The following TTC29 variants were observed in gnomAD, a reference collection of about 807,000 sequenced individuals.
The protein encoded by TTC29 is tetratricopeptide repeat domain 29, also known as tetratricopeptide repeat protein 29.
Under a neutral mutation model 58.1 loss-of-function variants are expected in TTC29, and 49 were observed. The observed-to-expected ratio is 0.84, with a 90% confidence interval of 0.67 to 1.07. The LOEUF is 1.07. Among genes scored for constraint, TTC29 ranks in the 50% least tolerant of loss-of-function variants. TTC29 has a pLI of 0.00. For synonymous variants in TTC29, 209 were observed against 196.8 expected (o/e 1.06, Z -0.52); for missense variants, 582 against 555.6 (o/e 1.05, Z -0.48).
chr4:146,790,844 G>A (rs1206844405), intron 11 of TTC29, among the ~76,000 whole-genome samples: 5 of 152,154 alleles, frequency 3.3e-5, no homozygotes, highest in Admixed American at 6.5e-5. Context: ...TTCCTTAATA[G>A]TTCTCATGAC....
At chr4:146,782,090 G>T (rs1312689913) in intron 11 of TTC29, among the ~76,000 whole-genome samples, 1 of 151,632 alleles carries the variant, frequency 6.6e-6, no homozygotes, top group Admixed American at 6.6e-5. Context: ...TTTGAGTCTA[G>T]AGGTGCAACA....
chr4:146,858,494 T>C (rs1311671433), intron 8 of TTC29, among the ~76,000 whole-genome samples: 1 of 152,208 alleles, frequency 6.6e-6, no homozygotes, highest in African/African-American at 2.4e-5. Context: ...CACTTTTAAC[T>C]GTGTAGACTT....
chr4:146,844,059 T>A (rs1447435001), intron 8 of TTC29, among the ~76,000 whole-genome samples: 1 of 152,204 alleles, frequency 6.6e-6, no homozygotes, highest in Non-Finnish European at 1.5e-5. Flanking sequence ...AAGTTTTTAA[T>A]AATTTGATGA....
In TTC29 at chr4:146,902,033, C is replaced by A. The variant is rs532617346; in HGVS notation, c.586+1511G>T. ...TGTTGCTAAATACATTTAGCTAATTCCCTTTTCTGGGATACTATAGATTGC... is the reference window on the plus strand; with the variant it reads ...TGTTGCTAAATACATTTAGCTAATTACCTTTTCTGGGATACTATAGATTGC... On this transcript the variant is annotated intron_variant, in intron 6 of 12. Transcript: ENST00000325106. Among the ~76,000 whole-genome samples the A allele has an allele frequency of 3.3e-5, 5 of 152,268 alleles. 1 individual carries two copies. The South Asian group carries it at 1.0e-3, about 32-fold the overall frequency.
At chr4:146,720,158 C>A (rs1358777533) in intron 11 of TTC29, among the ~76,000 whole-genome samples, 2 of 151,998 alleles carry the variant, frequency 1.3e-5, no homozygotes, top group East Asian at 3.8e-4. Flanking sequence ...ATACCATAAA[C>A]ATGTGTAGAA....
chr4:146,711,514 G>A (rs1742490570), intron 11 of TTC29, among the ~76,000 whole-genome samples: 1 of 152,110 alleles, frequency 6.6e-6, no homozygotes, highest in Non-Finnish European at 1.5e-5. Context: ...TTAAAAGACT[G>A]TGCTTTCTGT....
chr4:146,874,095 G>T (rs755762540), intron 7 of TTC29, among the ~76,000 whole-genome samples: 23 of 152,056 alleles, frequency 1.5e-4, no homozygotes, highest in Non-Finnish European at 2.9e-4. Flanking sequence ...GACATGAGCA[G>T]CTCTCATAGA....
At chr4:146,766,369 C>T (rs933068148) in intron 11 of TTC29, among the ~76,000 whole-genome samples, 7 of 152,014 alleles carry the variant, frequency 4.6e-5, no homozygotes, top group Non-Finnish European at 1.0e-4. Context: ...ATTTTCATAG[C>T]TGTTTCTTCT....
At chr4:146,730,630 G>A (rs995823976) in intron 11 of TTC29, among the ~76,000 whole-genome samples, 6 of 152,188 alleles carry the variant, frequency 3.9e-5, no homozygotes, top group Non-Finnish European at 8.8e-5. Context: ...GAAGGAGCCA[G>A]TATGGTATCC....
intron 11 of TTC29, among the ~76,000 whole-genome samples, chr4:146,723,362 T>C (rs1233657196): frequency 2.6e-5 from 4 of 152,084 alleles, no homozygotes; most frequent in Admixed American, 1.3e-4. Context: ...CTCAAAACAA[T>C]TGCAGCAGAA....
chr4:146,753,079 T>C (rs370166052), intron 11 of TTC29, among the ~76,000 whole-genome samples: 2 of 151,380 alleles, frequency 1.3e-5, no homozygotes, highest in African/African-American at 2.4e-5. Context: ...AGAGCTTCTG[T>C]ACAGCAAAAG....
intron 11 of TTC29, among the ~76,000 whole-genome samples, chr4:146,773,145 T>C (rs1747851066): frequency 6.6e-6 from 1 of 152,096 alleles, no homozygotes; most frequent in South Asian, 2.1e-4. Context: ...TTTCCAGGTA[T>C]AGTATCATCT....
chr4:146,801,603 T>C (rs548039083), intron 11 of TTC29, among the ~76,000 whole-genome samples: 4 of 150,214 alleles, frequency 2.7e-5, no homozygotes, highest in South Asian at 4.2e-4. Flanking sequence ...CTAAGTCCTG[T>C]TGGAAAAAAA....
intron 11 of TTC29, among the ~76,000 whole-genome samples, chr4:146,746,267 C>G (rs1053440906): frequency 6.6e-6 from 1 of 152,214 alleles, no homozygotes; most frequent in Non-Finnish European, 1.5e-5. Flanking sequence ...CAAGTCAGCA[C>G]TTGCTTCTCT....
At position 146,728,759 on chromosome 4, in the gene TTC29, G is replaced by GTATATA. The variant is rs1464066031; in HGVS notation, c.1331-21209_1331-21208insTATATA. On this transcript the variant is annotated intron_variant, in intron 11 of 12. Coordinates refer to ENST00000325106, the MANE Select transcript of TTC29 (RefSeq NM_031956.4). Reference sequence around the variant, plus strand: ...GTGTATAACTGTCCAGAGGATATATGTACATATATATACACATATATATGT... The same window carrying GTATATA: ...GTGTATAACTGTCCAGAGGATATATGTATATATACATATATATACACATATATATGT... 3.9e-4 allele frequency among the ~76,000 whole-genome samples: 44 copies of GTATATA among 112,588 alleles called. 1 individual carries two copies. Among genetic ancestry groups the GTATATA allele is most frequent in the African/African-American group, 9.5e-4 (26 of 27,430 alleles). The allele number at this position is 112,588 out of a possible 152,430, so 73.9% of individuals were successfully genotyped here. A position where few individuals can be genotyped will look rare whatever the true frequency, so the allele number is the denominator to read the frequency against.
intron 11 of TTC29, among the ~76,000 whole-genome samples, chr4:146,710,408 C>T (rs1001608740): frequency 5.3e-5 from 8 of 152,128 alleles, no homozygotes; most frequent in Non-Finnish European, 1.2e-4. Context: ...AATCTTTCAG[C>T]TCCATTATAA....
At chr4:146,806,349 A>G (rs1750615250) in intron 10 of TTC29, among the ~76,000 whole-genome samples, 1 of 152,240 alleles carries the variant, frequency 6.6e-6, no homozygotes, top group Non-Finnish European at 1.5e-5. Flanking sequence ...ACCAGCTAGC[A>G]TCGTAATGAC....
chr4:146,737,596 G>GC (rs1319298292), intron 11 of TTC29, among the ~76,000 whole-genome samples: 2 of 149,554 alleles, frequency 1.3e-5, no homozygotes, highest in Non-Finnish European at 3.0e-5. Flanking sequence ...GCCCTGGGGG[G>GC]GGGGGGGCTA....
intron 9 of TTC29, among the ~76,000 whole-genome samples, chr4:146,833,017 A>G (rs9799604): frequency 0.062 from 9,468 of 152,174 alleles, 396 homozygotes; most frequent in Admixed American, 0.13. Context: ...ACCTCCTTGT[A>G]TGTGTTTACA....
Sources: allele counts gnomAD v4.1 joint callset (sites outside exome capture counted in the v4.1 genomes callset), GRCh38; gene constraint gnomAD v4.1.1; transcripts MANE v1.5; gene names NCBI Gene and HGNC (gene_info 2026-07-23, HGNC 2026-07-21).